The following ORC3 variants were observed in gnomAD, a reference collection of about 807,000 sequenced individuals.
ORC3 encodes origin recognition complex subunit 3, also known as homolog of latheo, Drosophila.
A neutral mutation model predicts 100.7 loss-of-function variants in ORC3; 78 were observed. The observed-to-expected ratio is 0.77, with a 90% CI of 0.65 to 0.94. ORC3 has a LOEUF of 0.94. Among genes scored for constraint, ORC3 ranks in the 40% least tolerant of loss-of-function variants. The pLI is 0.00. For synonymous variants in ORC3, 295 were observed against 289.3 expected (o/e 1.02, Z -0.20); for missense variants, 789 against 823.9 (o/e 0.96, Z 0.52).
At chr6:87,668,923 C>T (rs988194457), downstream of ORC3, among the ~76,000 whole-genome samples, 4 of 151,952 alleles carry the variant, frequency 2.6e-5, no homozygotes, top group African/African-American at 9.7e-5. Context: ...GCGGAGGTTG[C>T]AGTGAGCCAA....
At chr6:87,624,701 T>A (rs1779766077) in intron 11 of ORC3, among the ~76,000 whole-genome samples, 1 of 152,216 alleles carries the variant, frequency 6.6e-6, no homozygotes, top group Non-Finnish European at 1.5e-5. Context: ...AATTTTCTTT[T>A]TTTTAATTAT....
intron 11 of ORC3, among the ~76,000 whole-genome samples, chr6:87,631,348 A>C (rs1767391032): frequency 1.3e-5 from 2 of 152,228 alleles, no homozygotes; most frequent in Non-Finnish European, 2.9e-5. Context: ...CATTGTAAAC[A>C]CAATTATGAA....
chr6:87,668,962 G>A (rs1002655861), downstream of ORC3, among the ~76,000 whole-genome samples: 2 of 151,990 alleles, frequency 1.3e-5, no homozygotes, highest in Non-Finnish European at 2.9e-5. Flanking sequence ...CAGCCTAGGC[G>A]ACAGAGCGAG....
chr6:87,605,663 A>G (rs77125496), intron 4 of ORC3, among the ~76,000 whole-genome samples: 1 of 152,054 alleles, frequency 6.6e-6, no homozygotes, highest in African/African-American at 2.4e-5. Flanking sequence ...AAAAAAAAAA[A>G]GAAGCTTTCA....
rs68075116 is a variant in ORC3, at chr6:87,597,680, T to TATACAC, written c.79+3274_79+3275insTACACA. The stretch of plus-strand genomic sequence containing the variant: ...TTTTTTAAGTAATGATATATATATA[T>TATACAC]ACACACACACACACACACACACACA... On this transcript the variant is annotated intron_variant, in intron 2 of 19. Transcript: ENST00000392844. 5.5e-3 allele frequency among the ~76,000 whole-genome samples: 767 copies of TATACAC among 138,508 alleles called. 2 individuals carry two copies. The highest frequency in any genetic ancestry group is 0.019 in the African/African-American group (658 of 34,238). 90.9% of individuals were successfully genotyped at this position (138,508 alleles called of 152,430 possible). A position where few individuals can be genotyped will look rare whatever the true frequency, so the allele number is the denominator to read the frequency against.
intron 13 of ORC3, among the ~76,000 whole-genome samples, chr6:87,644,241 C>T (rs1180642509): frequency 7.4e-5 from 11 of 149,600 alleles, no homozygotes; most frequent in South Asian, 4.2e-4. Flanking sequence ...TACAGGCGCC[C>T]GCCACTACGC....
intron 12 of ORC3, among the ~76,000 whole-genome samples, chr6:87,635,947 A>AT (rs200376034): frequency 0.13 from 18,401 of 138,878 alleles, 1,277 homozygotes; most frequent in African/African-American, 0.16. Context: ...TATAAATTGC[A>AT]TTTTTTTTTT....
intron 12 of ORC3, among the ~76,000 whole-genome samples, chr6:87,636,123 G>A (rs926072309): frequency 4.6e-5 from 7 of 151,774 alleles, no homozygotes; most frequent in Non-Finnish European, 7.4e-5. Context: ...TATTAGAGAC[G>A]GGGTTTCACC....
rs188954709 is a variant in ORC3, at chr6:87,665,560, A to G, written c.1951-194A>G. On this transcript the variant is annotated intron_variant, in intron 18 of 19. Transcript: ENST00000392844. ...CATACTCTTAGTTCTCTGAAACAAG[A>G]TTATTCAGGAACCATTACTTTATCT... Among the ~76,000 whole-genome samples, 16 of 152,332 alleles carry G rather than the reference A, an allele frequency of 1.1e-4. No individual in the cohort carries two copies. In the East Asian group the frequency reaches 2.7e-3, roughly 26 times the overall value.
Position 87,634,957 on chromosome 6 carries a change from G to C in ORC3, c.1298G>C (p.Arg433Pro). The C allele has an allele frequency of 2.0e-6, 3 of 1,466,988 alleles. No individual in the cohort carries two copies. The highest frequency in any genetic ancestry group is 2.9e-6 in the Non-Finnish European group (3 of 1,046,040). The allele number at this position is 1,466,988 out of a possible 1,614,324, so 90.9% of individuals were successfully genotyped here. ...TSSLPKYPLG[R>P]QIRELYCTCL... is the part of the protein sequence containing the mutation. ...TCTCTTCCCAAGTATCCACTAGGTC[G>C]ACAGGTAATCCAAGCCTCCTCATTT... The change falls in exon 12 of 20, where the codon CGA becomes CCA. Residue 433 changes from arginine (R) to proline (P), a missense_variant. Arg to Pro is a moderately radical substitution (Grantham distance 103). Transcript: ENST00000392844.
At chr6:87,606,962 CT>C (rs1269558025) in intron 5 of ORC3, among the ~76,000 whole-genome samples, 1 of 152,072 alleles carries the variant, frequency 6.6e-6, no homozygotes, top group Non-Finnish European at 1.5e-5. Context: ...TTAAAGGCAT[CT>C]TTAAAAATGG....
chr6:87,616,985 A>G (rs1196804264), intron 9 of ORC3, among the ~76,000 whole-genome samples: 1 of 151,996 alleles, frequency 6.6e-6, no homozygotes, highest in East Asian at 1.9e-4. Context: ...TTTAGTAGAA[A>G]CAGGGCTTCA....
At chr6:87,601,326 C>T (rs1296163612) in intron 2 of ORC3, among the ~76,000 whole-genome samples, 1 of 151,974 alleles carries the variant, frequency 6.6e-6, no homozygotes, top group Non-Finnish European at 1.5e-5. Context: ...AAATGAAATA[C>T]AGAGGATATT....
At chr6:87,673,956 C>CCACT in the ORC3 span, among the ~76,000 whole-genome samples, 2 of 151,982 alleles carry the variant, frequency 1.3e-5, no homozygotes, top group Admixed American at 1.3e-4. Flanking sequence ...CCTTGTGAAA[C>CCACT]CACTTTCTAG....
intron 9 of ORC3, among the ~76,000 whole-genome samples, chr6:87,617,526 GT>G (rs1019164166): frequency 2.0e-5 from 3 of 152,064 alleles, no homozygotes; most frequent in African/African-American, 7.2e-5. Context: ...CTTGAGCTTA[GT>G]AGTTTGAGAC....
At chr6:87,611,726 G>A (rs1394557167) in intron 7 of ORC3, among the ~76,000 whole-genome samples, 1 of 151,620 alleles carries the variant, frequency 6.6e-6, no homozygotes, top group Non-Finnish European at 1.5e-5. Flanking sequence ...AGGTTGCAGT[G>A]AGCCGAGATT....
In ORC3 at chr6:87,636,536, C is replaced by T. The variant is rs199866851; in HGVS notation, c.1382+50C>T. ...CTATTTTTGTCTGCTATAAGCCTGC[C>T]AGTAAGTAGCACCTTCCTCTAGAAC... On this transcript the variant is annotated intron_variant, in intron 13 of 19. Coordinates refer to ENST00000392844, the MANE Select transcript of ORC3 (RefSeq NM_012381.4). The T allele has an allele frequency of 3.6e-6, 4 of 1,122,242 alleles. No homozygotes were observed. In the East Asian group the frequency reaches 9.4e-5, roughly 26 times the overall value. 69.5% of individuals were successfully genotyped at this position (1,122,242 alleles called of 1,614,324 possible). A position where few individuals can be genotyped will look rare whatever the true frequency, so the allele number is the denominator to read the frequency against.
At position 87,634,874 on chromosome 6, in the gene ORC3, G is replaced by GCA. The variant is rs1264651607; in HGVS notation, c.1216_1217dup (p.Val407MetfsTer5). 3 of 1,585,572 alleles carry GCA rather than the reference G, an allele frequency of 1.9e-6. No individual in the cohort carries two copies. The African/African-American group carries it at 4.0e-5, about 21-fold the overall frequency. ...AAACACAATTATTACTAGAAAACCT[G>GCA]CATGTTTATCATATGAATTACTTCC... On this transcript the variant is annotated frameshift_variant, in exon 12 of 20. Transcript: ENST00000392844. LOFTEE classifies it high-confidence loss of function.
rs367998553 is a variant in ORC3, at chr6:87,630,537, C to G, written c.1186-4308C>G. Among the ~76,000 whole-genome samples, 67 of 152,188 alleles carry G rather than the reference C, an allele frequency of 4.4e-4. 1 individual carries two copies. The highest frequency in any genetic ancestry group is 1.6e-3 in the African/African-American group (66 of 41,528). On this transcript the variant is annotated intron_variant, in intron 11 of 19. Coordinates refer to ENST00000392844, the MANE Select transcript of ORC3 (RefSeq NM_012381.4). ...AGGTTTTGAGAATACAGGAGTGAAC[C>G]AAACAGCCAAAACTTCTACCGTTTT...
Sources: gnomAD v4.1 joint callset for allele counts (sites outside exome capture counted in the v4.1 genomes callset) on GRCh38, gnomAD v4.1.1 for gene constraint, MANE v1.5 for transcripts, NCBI Gene and HGNC (gene_info 2026-07-23, HGNC 2026-07-21) for gene names.